The following ICAM2 variants were observed in gnomAD, a reference collection of about 807,000 sequenced individuals.
ICAM2 encodes the protein intercellular adhesion molecule 2, also known as ICAM-2.
In ICAM2, 14 loss-of-function variants were observed where a neutral mutation model predicts 19.1. The ratio of observed to expected loss-of-function variants is 0.73; its 90% CI spans 0.48 to 1.15. The LOEUF (loss-of-function observed/expected upper bound fraction) is 1.15. Among genes scored for constraint, ICAM2 ranks in the 50% most tolerant of loss-of-function variants. ICAM2 has a pLI of 0.00. For missense variants in ICAM2, 311 were observed against 355.4 expected, an observed-to-expected ratio of 0.88 and a Z score of 1.00; for synonymous variants, 153 against 152.7, an observed-to-expected ratio of 1.00 and a Z score of -0.01.
intron 1 of ICAM2, among the ~76,000 whole-genome samples, chr17:64,018,462 G>A (rs546688061): frequency 2.6e-5 from 4 of 151,406 alleles, no homozygotes; most frequent in Non-Finnish European, 5.9e-5. Context: ...CAATGGGACC[G>A]ATACTATTTT....
At position 64,002,618 on chromosome 17, in the gene ICAM2, G is replaced by T; in HGVS notation, c.*129C>A. 2 of 803,052 alleles carry T rather than the reference G, an allele frequency of 2.5e-6. No homozygotes were observed. Among genetic ancestry groups the T allele is most frequent in the East Asian group, 2.7e-5 (1 of 37,398 alleles). The allele number at this position is 803,052 out of a possible 1,614,324, so 49.7% of individuals were successfully genotyped here. On this transcript the variant is annotated 3_prime_UTR_variant, in exon 5 of 5. Coordinates refer to ENST00000579788, the MANE Select transcript of ICAM2 (RefSeq NM_001099789.2). ...GCTAAGTCCAGGTGTTTGTATTCGGGCTAGAAAAGGCAATGTCCCAAGTCT... is the reference window on the plus strand; with the variant it reads ...GCTAAGTCCAGGTGTTTGTATTCGGTCTAGAAAAGGCAATGTCCCAAGTCT...
intron 1 of ICAM2, among the ~76,000 whole-genome samples, chr17:64,013,990 T>C (rs1030582559): frequency 3.9e-5 from 6 of 152,134 alleles, no homozygotes; most frequent in African/African-American, 1.4e-4. Context: ...TTCAAGAAGA[T>C]GAGTTTTAAA....
At chr17:64,016,191 G>T (rs1409289660) in intron 1 of ICAM2, among the ~76,000 whole-genome samples, 3 of 152,152 alleles carry the variant, frequency 2.0e-5, no homozygotes, top group Non-Finnish European at 2.9e-5. Context: ...ATCAAATCCG[G>T]CAGTGTAAAA....
chr17:64,005,527 T>C (rs1567845950), intron 2 of ICAM2, among the ~76,000 whole-genome samples, 154 bp from the exon 3 acceptor site: 4 of 152,104 alleles, frequency 2.6e-5, no homozygotes, highest in Admixed American at 2.0e-4. Context: ...TCAGGTGTCA[T>C]GGCCCCGGCT....
At chr17:64,006,367 G>C (rs1044706414) in intron 2 of ICAM2, 1 of 416,882 alleles carries the variant, frequency 2.4e-6, no homozygotes, top group Non-Finnish European at 4.3e-6. Flanking sequence ...GCTGGGCATG[G>C]TGGCTCTCAC....
At chr17:64,014,893 T>C (rs943106765) in intron 1 of ICAM2, among the ~76,000 whole-genome samples, 27 of 152,092 alleles carry the variant, frequency 1.8e-4, no homozygotes, top group African/African-American at 6.5e-4. Context: ...CTGGGCAACA[T>C]AGTGCGATAT....
At chr17:64,008,840 C>T (rs1183580746) in intron 1 of ICAM2, among the ~76,000 whole-genome samples, 1 of 152,168 alleles carries the variant, frequency 6.6e-6, no homozygotes, top group Non-Finnish European at 1.5e-5. Context: ...CTGGAAGGGA[C>T]AGTGCTTGGG....
rs1911244377 is a variant in ICAM2, at chr17:64,006,983, G to A, written c.-44-248C>T. The A allele has an allele frequency of 2.6e-5, 12 of 464,892 alleles. 1 individual carries two copies. The highest frequency in any genetic ancestry group is 2.6e-4 in the South Asian group (10 of 38,820). The allele number at this position is 464,892 out of a possible 1,614,324, so 28.8% of individuals were successfully genotyped here. A position where few individuals can be genotyped will look rare whatever the true frequency, so the allele number is the denominator to read the frequency against. Reference sequence around the variant, plus strand: ...GGGGCGGGGCAGGCAATGGGTGCACGCATGCGTGTATGAGACGTGTGCACA... The same window carrying A: ...GGGGCGGGGCAGGCAATGGGTGCACACATGCGTGTATGAGACGTGTGCACA... On this transcript the variant is annotated intron_variant, in intron 1 of 4. Coordinates refer to ENST00000579788, the MANE Select transcript of ICAM2 (RefSeq NM_001099789.2).
In ICAM2 at chr17:64,004,511, C is replaced by A. The variant is rs143546276; in HGVS notation, c.329-547G>T. The A allele has an allele frequency of 4.0e-3, 694 of 172,422 alleles. 1 individual carries two copies. The highest frequency in any genetic ancestry group is 6.0e-3 in the Non-Finnish European group (477 of 79,110). The allele number at this position is 172,422 out of a possible 1,614,324, so 10.7% of individuals were successfully genotyped here. The stretch of plus-strand genomic sequence containing the variant: ...TGAATTAGAATACTTCACTTCCACT[C>A]ACCCCACCTCCCACCCCGAGAAAAT... On this transcript the variant is annotated intron_variant, in intron 3 of 4. Coordinates refer to ENST00000579788, the MANE Select transcript of ICAM2 (RefSeq NM_001099789.2).
At chr17:64,019,630 A>G (rs1322492472) in intron 1 of ICAM2, among the ~76,000 whole-genome samples, 2 of 152,062 alleles carry the variant, frequency 1.3e-5, no homozygotes, top group African/African-American at 2.4e-5. Flanking sequence ...CCTGGCCAAC[A>G]TAGTGAAACC....
intron 1 of ICAM2, among the ~76,000 whole-genome samples, chr17:64,014,469 A>G (rs1911604628): frequency 7.2e-6 from 1 of 138,046 alleles, no homozygotes; most frequent in South Asian, 2.4e-4. Context: ...GAGAGAGGGG[A>G]AGGAAGGAAG....
intron 1 of ICAM2, among the ~76,000 whole-genome samples, chr17:64,014,616 G>C (rs368516156): frequency 1.2e-5 from 1 of 86,162 alleles, no homozygotes; most frequent in Admixed American, 1.4e-4. Context: ...AGGGAGGGAG[G>C]GAGAGAGAGA....
chr17:64,005,447 G>T, intron 2 of ICAM2, 74 bp from the exon 3 acceptor site: 1 of 1,518,128 alleles, frequency 6.6e-7, no homozygotes, highest in Non-Finnish European at 9.0e-7. Flanking sequence ...GTCCATTGAG[G>T]CAGTCTGGCT....
At chr17:64,011,332 C>T (rs138968814) in intron 1 of ICAM2, among the ~76,000 whole-genome samples, 101 of 152,276 alleles carry the variant, frequency 6.6e-4, no homozygotes, top group African/African-American at 2.4e-3. Flanking sequence ...CGTAGTGGCA[C>T]ACGCCTGTAG....
chr17:64,017,727 C>T (rs569009325), intron 1 of ICAM2, among the ~76,000 whole-genome samples: 3 of 152,284 alleles, frequency 2.0e-5, no homozygotes, highest in African/African-American at 4.8e-5. Context: ...GGCAAATTAA[C>T]TGATGAAACA....
chr17:64,014,332 A>AAGG (rs1213041207), intron 1 of ICAM2, among the ~76,000 whole-genome samples: 1 of 45,154 alleles, frequency 2.2e-5, no homozygotes, highest in Non-Finnish European at 4.5e-5. Flanking sequence ...GGAAGGAAGG[A>AAGG]AAGAAAGAAA....
At chr17:64,018,713 C>CTTTTTTTTTTT (rs67934258) in intron 1 of ICAM2, among the ~76,000 whole-genome samples, 1 of 62,884 alleles carries the variant, frequency 1.6e-5, no homozygotes, top group African/African-American at 6.1e-5. Flanking sequence ...GTTTACTTCT[C>CTTTTTTTTTTT]TTTTTTTTTT....
intron 1 of ICAM2, among the ~76,000 whole-genome samples, chr17:64,017,673 A>T (rs1911767607): frequency 6.6e-6 from 1 of 152,220 alleles, no homozygotes. Context: ...TTGCTCTGCT[A>T]GATATTAAGA....
At position 64,005,115 on chromosome 17, in the gene ICAM2, C is replaced by G. The variant is rs889697600; in HGVS notation, c.320G>C (p.Ser107Thr). The change falls in exon 3 of 5, where the codon AGC becomes ACC. Residue 107 changes from serine (S) to threonine (T), a missense_variant. Physicochemically the swap from Ser to Thr is moderately conservative, Grantham distance 58. Transcript: ENST00000579788. ...GCAGCACAGCCACTCACGGTACACG[C>G]TGACGTTGGAATTCATTGACTCCTG... ...GKQESMNSNV[S>T]VYQPPRQVIL... 1.9e-5 allele frequency: 30 copies of G among 1,614,048 alleles called. No individual in the cohort carries two copies. Among genetic ancestry groups the G allele is most frequent in the Middle Eastern group, 1.6e-4 (1 of 6,084 alleles).
Sources: allele counts gnomAD v4.1 joint callset (sites outside exome capture counted in the v4.1 genomes callset), GRCh38; gene constraint gnomAD v4.1.1; transcripts MANE v1.5; gene names NCBI Gene and HGNC (gene_info 2026-07-23, HGNC 2026-07-21).